The following RNF157 variants were observed in gnomAD, a reference collection of about 807,000 sequenced individuals.
RNF157 encodes ring finger protein 157, also known as E3 ubiquitin ligase RNF157.
RNF157 carries 55 observed loss-of-function variants against 88.3 expected under a neutral mutation model. That is an observed-to-expected ratio of 0.62 (90% confidence interval 0.50 to 0.78). RNF157 has a LOEUF of 0.78. RNF157 is among the 30% of genes least tolerant of loss of function. The pLI is 0.00. For synonymous variants in RNF157, 334 were observed against 341.2 expected (o/e 0.98, Z 0.23); for missense variants, 788 against 860.8 (o/e 0.92, Z 1.06).
chr17:76,191,304 C>T (rs1010881594), intron 2 of RNF157, among the ~76,000 whole-genome samples: 2 of 151,460 alleles, frequency 1.3e-5, no homozygotes, highest in African/African-American at 4.8e-5. Context: ...AGTGAGACAC[C>T]GTCTCTACAA....
intron 2 of RNF157, among the ~76,000 whole-genome samples, chr17:76,182,204 A>G (rs1380237909): frequency 2.0e-5 from 3 of 152,190 alleles, no homozygotes; most frequent in Non-Finnish European, 4.4e-5. Context: ...GAATGGAAGT[A>G]GAGTTGGGCT....
chr17:76,178,514 T>A (rs1054992084), intron 2 of RNF157, among the ~76,000 whole-genome samples: 3 of 152,222 alleles, frequency 2.0e-5, no homozygotes, highest in Non-Finnish European at 2.9e-5. Context: ...AGGCTGGTAG[T>A]GTGAGCTGAG....
chr17:76,223,928 A>G (rs2070032563), intron 1 of RNF157, among the ~76,000 whole-genome samples: 3 of 152,238 alleles, frequency 2.0e-5, no homozygotes, highest in African/African-American at 2.4e-5. Context: ...AAGTAAGTAT[A>G]ATAACACAGG....
Position 76,177,337 on chromosome 17 carries a change from C to T in RNF157, c.208-3547G>A, listed in dbSNP as rs193100305. 6.1e-3 allele frequency among the ~76,000 whole-genome samples: 774 copies of T among 126,346 alleles called. 4 individuals are homozygous for T. Among genetic ancestry groups the T allele is most frequent in the Non-Finnish European group, 9.7e-3 (612 of 62,866 alleles). 82.9% of individuals were successfully genotyped at this position (126,346 alleles called of 152,430 possible). A position where few individuals can be genotyped will look rare whatever the true frequency, so the allele number is the denominator to read the frequency against. ...CCCCGCCCCAGCAGGCTCGGAAGTG[C>T]CTGCTCCTGCCGCCTAGCTTCTGCT... On this transcript the variant is annotated intron_variant, in intron 2 of 18. Coordinates refer to ENST00000269391, the MANE Select transcript of RNF157 (RefSeq NM_052916.3).
chr17:76,210,050 G>A (rs2069756088), intron 2 of RNF157, among the ~76,000 whole-genome samples: 1 of 152,054 alleles, frequency 6.6e-6, no homozygotes, highest in Non-Finnish European at 1.5e-5. Context: ...GAGTCACCGT[G>A]CCCAGCAGAA....
intron 2 of RNF157, among the ~76,000 whole-genome samples, chr17:76,210,624 A>G (rs1382076474): frequency 1.3e-5 from 2 of 150,984 alleles, no homozygotes; most frequent in African/African-American, 4.9e-5. Flanking sequence ...AAAGAAAGAG[A>G]ACAATGAAAA....
intron 2 of RNF157, among the ~76,000 whole-genome samples, chr17:76,194,797 C>T (rs370578047): frequency 1.7e-4 from 26 of 152,206 alleles, no homozygotes; most frequent in East Asian, 9.7e-4. Flanking sequence ...GGGCAGATCA[C>T]GAGGTCAGGA....
At chr17:76,229,490 A>C (rs1230741547) in intron 1 of RNF157, among the ~76,000 whole-genome samples, 1 of 152,200 alleles carries the variant, frequency 6.6e-6, no homozygotes, top group East Asian at 1.9e-4. Context: ...GCAACTGATA[A>C]ATTTTGGCTT....
rs749014420 is a variant in RNF157 at position 76,158,508 on chromosome 17, G to A, written c.1305-7C>T. 3.8e-6 allele frequency: 6 copies of A among 1,591,962 alleles called. No homozygotes were observed. In the South Asian group the frequency reaches 5.5e-5, roughly 15 times the overall value. On this transcript the variant is annotated splice_region_variant and splice_polypyrimidine_tract_variant and intron_variant, in intron 12 of 18. Transcript: ENST00000269391. ...AGAGTTTTGGGAAGTGGATCTGTAG[G>A]AGTCCAGTGGAAAAGCAGCTATATC... is the stretch of plus-strand genomic sequence containing the variant.
At chr17:76,188,681 C>A (rs1175017141) in intron 2 of RNF157, among the ~76,000 whole-genome samples, 1 of 152,160 alleles carries the variant, frequency 6.6e-6, no homozygotes, top group African/African-American at 2.4e-5. Flanking sequence ...GTCATTAATA[C>A]AAACATTCTC....
Position 76,159,346 on chromosome 17 carries a change from C to T in RNF157, c.1293G>A (p.Lys431=). 1.2e-6 allele frequency: 2 copies of T among 1,613,400 alleles called. No homozygotes were observed. The highest frequency in any genetic ancestry group is 1.7e-6 in the Non-Finnish European group (2 of 1,179,680). ...DSSSQGLKLK[K]SLSKSTSQNS... ...CACTGGCTACTCACTTGGAGAGACT[C>T]TTTTTGAGTTTGAGTCCCTGACTGC... The change falls in exon 12 of 19, where the codon AAG becomes AAA. Residue 431 remains lysine, a synonymous_variant. Coordinates refer to ENST00000269391, the MANE Select transcript of RNF157 (RefSeq NM_052916.3).
At chr17:76,178,796 G>A (rs1393192830) in intron 2 of RNF157, among the ~76,000 whole-genome samples, 1 of 152,012 alleles carries the variant, frequency 6.6e-6, no homozygotes, top group African/African-American at 2.4e-5. Flanking sequence ...AGTCCCCCAA[G>A]TTTTAGGGAG....
Position 76,145,182 on chromosome 17 carries a change from G to A in RNF157, c.*53C>T. 1.6e-6 allele frequency: 2 copies of A among 1,222,196 alleles called. No homozygotes were observed. Among genetic ancestry groups the A allele is most frequent in the Non-Finnish European group, 2.4e-6 (2 of 838,628 alleles). 75.7% of individuals were successfully genotyped at this position (1,222,196 alleles called of 1,614,324 possible). On this transcript the variant is annotated 3_prime_UTR_variant, in exon 19 of 19. Coordinates refer to ENST00000269391, the MANE Select transcript of RNF157 (RefSeq NM_052916.3). ...GATGCCCAGTAGGCAGCAGCTGAGT[G>A]AGGATGGATGGAATGCAGGGCAGGA...
At chr17:76,221,621 C>G (rs919683434) in intron 1 of RNF157, among the ~76,000 whole-genome samples, 5 of 152,136 alleles carry the variant, frequency 3.3e-5, no homozygotes, top group Admixed American at 6.5e-5. Context: ...TTTCTTGGTA[C>G]CAGCTATTGT....
chr17:76,221,804 A>G (rs2069987695), intron 1 of RNF157, among the ~76,000 whole-genome samples: 1 of 152,376 alleles, frequency 6.6e-6, no homozygotes, highest in Non-Finnish European at 1.5e-5. Flanking sequence ...TGTGTCCGAC[A>G]TATGTCCTTA....
At position 76,176,307 on chromosome 17, in the gene RNF157, A is replaced by G. The variant is rs2069101729; in HGVS notation, c.208-2517T>C. On this transcript the variant is annotated intron_variant, in intron 2 of 18. Transcript: ENST00000269391. This position sits in a 1 kb window ranked among gnomAD's most constrained non-coding sequence, Gnocchi z 4.2. ...ATCATTTCTGGCTGAGGTAATCTGA[A>G]GGCTTCATGGAGGAGTTGGTAGTTG... 6.6e-6 allele frequency among the ~76,000 whole-genome samples: 1 copy of G among 152,180 alleles called. No homozygotes were observed. The highest frequency in any genetic ancestry group is 2.4e-5 in the African/African-American group (1 of 41,424).
At chr17:76,198,350 G>C (rs1277122933) in intron 2 of RNF157, among the ~76,000 whole-genome samples, 1 of 152,146 alleles carries the variant, frequency 6.6e-6, no homozygotes, top group African/African-American at 2.4e-5. Flanking sequence ...CTGGGGGAGG[G>C]GGGTTCTTGG....
intron 2 of RNF157, among the ~76,000 whole-genome samples, chr17:76,182,632 C>T (rs115049892): frequency 6.6e-6 from 1 of 151,090 alleles, no homozygotes; most frequent in African/African-American, 2.4e-5. Context: ...TTAGGCAATT[C>T]CCAGTAGTCT....
intron 2 of RNF157, among the ~76,000 whole-genome samples, chr17:76,184,138 C>T (rs2069242879): frequency 6.6e-6 from 1 of 150,382 alleles, no homozygotes; most frequent in East Asian, 1.9e-4. Context: ...TTTCAGTGAG[C>T]CAAGATAGTG....
Sources: allele counts gnomAD v4.1 joint callset (sites outside exome capture counted in the v4.1 genomes callset), GRCh38; gene constraint gnomAD v4.1.1; non-coding constraint Gnocchi (gnomAD v3.1); transcripts MANE v1.5; gene names NCBI Gene and HGNC (gene_info 2026-07-23, HGNC 2026-07-21).